The following DERA variants were observed in gnomAD, a reference collection of about 807,000 sequenced individuals.
DERA encodes 2-deoxy-D-ribose 5-phosphate aldolase.
In DERA, 15 loss-of-function variants were observed where a neutral mutation model predicts 41.1. The ratio of observed to expected loss-of-function variants is 0.37; its 90% CI spans 0.24 to 0.56. DERA has a LOEUF of 0.56. Ranked by LOEUF, DERA falls within the 20% of genes least tolerant of loss-of-function variation. DERA has a pLI of 0.81. For missense variants in DERA, 396 were observed against 403.4 expected (o/e 0.98, Z 0.16); for synonymous variants, 139 against 137.4 (o/e 1.01, Z -0.08).
chr12:15,920,531 C>T (rs1210520294), intron 1 of DERA, among the ~76,000 whole-genome samples: 1 of 152,202 alleles, frequency 6.6e-6, no homozygotes, highest in Non-Finnish European at 1.5e-5. Flanking sequence ...CCCACAATAG[C>T]TTTAATTATT....
At chr12:15,926,609 G>A (rs1271255725) in intron 1 of DERA, among the ~76,000 whole-genome samples, 3 of 152,008 alleles carry the variant, frequency 2.0e-5, no homozygotes, top group African/African-American at 4.8e-5. Flanking sequence ...GGTGGCGGGC[G>A]CCTGTAGTCC....
chr12:15,963,805 A>G (rs917935573), intron 5 of DERA, among the ~76,000 whole-genome samples: 12 of 152,224 alleles, frequency 7.9e-5, no homozygotes, highest in African/African-American at 2.9e-4. Context: ...ATAGGATTTT[A>G]TCTCTTATTT....
chr12:15,993,525 A>C lies in DERA; in HGVS notation c.637+11089A>C, dbSNP rs1190015746. Among the ~76,000 whole-genome samples the C allele has an allele frequency of 5.3e-5, 8 of 151,482 alleles. 1 individual carries two copies. The highest frequency in any genetic ancestry group is 1.9e-4 in the African/African-American group (8 of 41,316). ...AAAATAAGATCTTGCCTTTCATAGGAAAAAGCATTTAATTTATGAAAAGGT... is the reference window on the plus strand; with the variant it reads ...AAAATAAGATCTTGCCTTTCATAGGCAAAAGCATTTAATTTATGAAAAGGT... On this transcript the variant is annotated intron_variant, in intron 6 of 8. Coordinates refer to ENST00000428559, the MANE Select transcript of DERA (RefSeq NM_015954.4). This position sits in a 1 kb window ranked among gnomAD's most constrained non-coding sequence, Gnocchi z 4.4.
At position 16,026,780 on chromosome 12, in the gene DERA, T is replaced by C. The variant is rs908737290; in HGVS notation, c.638-5762T>C. Among the ~76,000 whole-genome samples the C allele has an allele frequency of 6.6e-6, 1 of 151,956 alleles. No individual in the cohort carries two copies. The highest frequency in any genetic ancestry group is 2.1e-4 in the South Asian group (1 of 4,822). On this transcript the variant is annotated intron_variant, in intron 6 of 8. Coordinates refer to ENST00000428559, the MANE Select transcript of DERA (RefSeq NM_015954.4). The surrounding 1 kb of genome is among the most constrained non-coding windows in gnomAD (Gnocchi z 4.4). The stretch of plus-strand genomic sequence containing the variant: ...GTCTTCTACAATCTCTTCCGGAAAA[T>C]AGAAGAGAGAACACTCATTCTGTGA...
At position 16,036,656 on chromosome 12, in the gene DERA, A is replaced by C; in HGVS notation, c.901-34A>C. 1.4e-6 allele frequency: 2 copies of C among 1,474,452 alleles called. No homozygotes were observed. The highest frequency in any genetic ancestry group is 1.9e-6 in the Non-Finnish European group (2 of 1,062,504). The allele number at this position is 1,474,452 out of a possible 1,614,324, so 91.3% of individuals were successfully genotyped here. ...ATTAACTGATGTGTATAATTATAGA[A>C]TGATTGTTAATTAAACTCTGCTTTT... On this transcript the variant is annotated intron_variant, in intron 8 of 8. Coordinates refer to ENST00000428559, the MANE Select transcript of DERA (RefSeq NM_015954.4). This position sits in a 1 kb window ranked among gnomAD's most constrained non-coding sequence, Gnocchi z 4.9.
At position 15,970,532 on chromosome 12, in the gene DERA, T is replaced by G. The variant is rs1948652598; in HGVS notation, c.508+7585T>G. Among the ~76,000 whole-genome samples, 1 of 152,140 alleles carries G rather than the reference T, an allele frequency of 6.6e-6. No homozygotes were observed. The highest frequency in any genetic ancestry group is 2.1e-4 in the South Asian group (1 of 4,822). Reference sequence around the variant, plus strand: ...GGATCCTAGAGAGAAGAAAGTTAATTTTATTTATTTATTTATAAGTGTTTT... The same window carrying G: ...GGATCCTAGAGAGAAGAAAGTTAATGTTATTTATTTATTTATAAGTGTTTT... On this transcript the variant is annotated intron_variant, in intron 5 of 8. Transcript: ENST00000428559. This position sits in a 1 kb window ranked among gnomAD's most constrained non-coding sequence, Gnocchi z 4.3.
At position 15,959,067 on chromosome 12, in the gene DERA, A is replaced by G. The variant is rs890653965; in HGVS notation, c.277+732A>G. On this transcript the variant is annotated intron_variant, in intron 3 of 8. Transcript: ENST00000428559. This position sits in a 1 kb window ranked among gnomAD's most constrained non-coding sequence, Gnocchi z 4.5. ...CGAGTGCCTATCTGCTGTGAGTGCA[A>G]CTGGAGACGTTGAATTGGCCCAATG... 2.4e-4 allele frequency among the ~76,000 whole-genome samples: 36 copies of G among 152,052 alleles called. No homozygotes were observed. Among genetic ancestry groups the G allele is most frequent in the African/African-American group, 8.7e-4 (36 of 41,398 alleles).
rs1484560231 is a variant in DERA, at chr12:16,020,712, C to T, written c.638-11830C>T. ...GAGAAAATGCTGACAGAAATATAGA[C>T]AATGAAGTCAAGGCTGAGGAGGTCT... On this transcript the variant is annotated intron_variant, in intron 6 of 8. Transcript: ENST00000428559. This position sits in a 1 kb window ranked among gnomAD's most constrained non-coding sequence, Gnocchi z 5.5. Among the ~76,000 whole-genome samples the T allele has an allele frequency of 6.6e-6, 1 of 152,240 alleles. No individual in the cohort carries two copies. The highest frequency in any genetic ancestry group is 1.9e-4 in the East Asian group (1 of 5,174).
At chr12:16,006,220 C>A (rs1200526385) in intron 6 of DERA, among the ~76,000 whole-genome samples, 1 of 152,154 alleles carries the variant, frequency 6.6e-6, no homozygotes, top group East Asian at 1.9e-4. Flanking sequence ...TCCCCTCTTG[C>A]TCCCAATGAA....
Position 15,936,871 on chromosome 12 carries a change from TTGTCTTGTCTTGTCTTGTCC to T in DERA, c.32-20060_32-20041del, listed in dbSNP as rs1948368299. Among the ~76,000 whole-genome samples the T allele has an allele frequency of 7.4e-6, 1 of 135,368 alleles. No homozygotes were observed. Among genetic ancestry groups the T allele is most frequent in the African/African-American group, 3.3e-5 (1 of 30,398 alleles). 88.8% of individuals were successfully genotyped at this position (135,368 alleles called of 152,430 possible). ...TTGTGTTGTCTTGTCTTGTCTTGTC[TTGTCTTGTCTTGTCTTGTCC>T]TGTCCTGTCCTGTCCTGTCCTGTCC... is the stretch of plus-strand genomic sequence containing the variant. On this transcript the variant is annotated intron_variant, in intron 1 of 8. Transcript: ENST00000428559. This position sits in a 1 kb window ranked among gnomAD's most constrained non-coding sequence, Gnocchi z 4.6.
chr12:16,027,452 G>C (rs191434731), intron 6 of DERA, among the ~76,000 whole-genome samples: 1 of 152,352 alleles, frequency 6.6e-6, no homozygotes, highest in East Asian at 1.9e-4. Flanking sequence ...GTCTTGCAGT[G>C]AGGTGATCAT....
intron 1 of DERA, among the ~76,000 whole-genome samples, chr12:15,917,240 A>G (rs1441784558): frequency 6.6e-6 from 1 of 152,200 alleles, no homozygotes; most frequent in Admixed American, 6.5e-5. Context: ...AAGGCAGTGT[A>G]TTCTTCATTA....
chr12:15,973,897 A>C (rs1223072990), intron 5 of DERA, among the ~76,000 whole-genome samples: 1 of 152,176 alleles, frequency 6.6e-6, no homozygotes, highest in Non-Finnish European at 1.5e-5. Context: ...GCTAAATTAC[A>C]ACAAACATAT....
rs1385724367 is a variant in DERA, at chr12:15,931,231, G to T, written c.31+19817G>T. ...AGCAGCTTTAGGAATAACATTTTCA[G>T]TTGACCGATAGTATAAATTCAATAA... On this transcript the variant is annotated intron_variant, in intron 1 of 8. Coordinates refer to ENST00000428559, the MANE Select transcript of DERA (RefSeq NM_015954.4). This position sits in a 1 kb window ranked among gnomAD's most constrained non-coding sequence, Gnocchi z 4.6. Among the ~76,000 whole-genome samples, 1 of 152,176 alleles carries T rather than the reference G, an allele frequency of 6.6e-6. No homozygotes were observed. The highest frequency in any genetic ancestry group is 6.5e-5 in the Admixed American group (1 of 15,284).
chr12:15,911,398 T>G lies in DERA; in HGVS notation c.15T>G (p.Asn5Lys). 1.4e-6 allele frequency: 2 copies of G among 1,382,676 alleles called. No homozygotes were observed. Among genetic ancestry groups the G allele is most frequent in the Non-Finnish European group, 1.9e-6 (2 of 1,077,224 alleles). The allele number at this position is 1,382,676 out of a possible 1,614,324, so 85.7% of individuals were successfully genotyped here. Reference protein sequence around the residue: MSAHNRGTELDLSWI... With the variant: MSAHKRGTELDLSWI... ...CTGCCCGCGCCATGTCCGCGCACAA[T>G]CGGGGCACCGAGCTCGGTAAGGGGC... is the stretch of plus-strand genomic sequence containing the variant. Residue 5 changes from asparagine to lysine, a missense_variant, in exon 1 of 9, where the codon AAT (asparagine) becomes AAG (lysine). Transcript: ENST00000428559. This position sits in a 1 kb window ranked among gnomAD's most constrained non-coding sequence, Gnocchi z 4.5.
chr12:15,911,482 C>A lies in DERA; in HGVS notation c.31+68C>A, dbSNP rs1948163153. 2.2e-6 allele frequency: 3 copies of A among 1,360,890 alleles called. No individual in the cohort carries two copies. The highest frequency in any genetic ancestry group is 2.9e-6 in the Non-Finnish European group (3 of 1,039,310). The allele number at this position is 1,360,890 out of a possible 1,614,324, so 84.3% of individuals were successfully genotyped here. ...CAGCGCCGCCGGGACTAGCGCGGGGCCTGCTGCCGCCCAGTGCCCTGGCTG... is the reference window on the plus strand; with the variant it reads ...CAGCGCCGCCGGGACTAGCGCGGGGACTGCTGCCGCCCAGTGCCCTGGCTG... On this transcript the variant is annotated intron_variant, in intron 1 of 8. Coordinates refer to ENST00000428559, the MANE Select transcript of DERA (RefSeq NM_015954.4). The surrounding 1 kb of genome is among the most constrained non-coding windows in gnomAD (Gnocchi z 4.5).
Position 15,941,689 on chromosome 12 carries a change from T to C in DERA, c.32-15247T>C, listed in dbSNP as rs1948410082. On this transcript the variant is annotated intron_variant, in intron 1 of 8. Coordinates refer to ENST00000428559, the MANE Select transcript of DERA (RefSeq NM_015954.4). This position sits in a 1 kb window ranked among gnomAD's most constrained non-coding sequence, Gnocchi z 4.5. ...TGGCCTCCAGCTCCACCCAAGTTGC[T>C]GCAAAAGACATTATTTCGTTTCCTT... is the stretch of plus-strand genomic sequence containing the variant. Among the ~76,000 whole-genome samples the C allele has an allele frequency of 6.6e-6, 1 of 152,338 alleles. No homozygotes were observed. Among genetic ancestry groups the C allele is most frequent in the South Asian group, 2.1e-4 (1 of 4,828 alleles).
At chr12:16,025,733 CCAA>C (rs1175563458) in intron 6 of DERA, among the ~76,000 whole-genome samples, 22 of 152,054 alleles carry the variant, frequency 1.4e-4, no homozygotes, top group Admixed American at 1.4e-3. Context: ...AAAACTTCAT[CCAA>C]CAACAGCAGA....
chr12:15,958,765 A>G (rs1375155599), intron 3 of DERA, among the ~76,000 whole-genome samples: 1 of 152,208 alleles, frequency 6.6e-6, no homozygotes, highest in Non-Finnish European at 1.5e-5. Context: ...AATGAGAAAT[A>G]TAGCCTGCTT....
Sources: gnomAD v4.1 joint callset for allele counts (sites outside exome capture counted in the v4.1 genomes callset) on GRCh38, gnomAD v4.1.1 for gene constraint, Gnocchi (gnomAD v3.1) non-coding constraint, MANE v1.5 for transcripts, NCBI Gene and HGNC (gene_info 2026-07-23, HGNC 2026-07-21) for gene names.